The following EEFSEC variants were observed in gnomAD, a reference collection of about 807,000 sequenced individuals.
EEFSEC encodes the protein eukaryotic elongation factor, selenocysteine-tRNA specific.
A neutral mutation model predicts 42.1 loss-of-function variants in EEFSEC; 43 were observed. The observed-to-expected ratio is 1.02, with a 90% CI of 0.80 to 1.32. The LOEUF (loss-of-function observed/expected upper bound fraction) is 1.32, where lower values mean the gene tolerates loss of function less well. Ranked by LOEUF, EEFSEC falls within the 40% of genes most tolerant of loss-of-function variation. The pLI, the probability that EEFSEC is intolerant of heterozygous loss-of-function variation, is 0.00. For synonymous variants in EEFSEC, 354 were observed against 339.1 expected, an observed-to-expected ratio of 1.04 and a Z score of -0.48; for missense variants, 745 against 803.6, an observed-to-expected ratio of 0.93 and a Z score of 0.88.
intron 4 of EEFSEC, among the ~76,000 whole-genome samples, chr3:128,272,590 C>T (rs2066425907): frequency 6.6e-6 from 1 of 152,186 alleles, no homozygotes; most frequent in Admixed American, 6.5e-5. Flanking sequence ...GCTCTGTCTC[C>T]ACACGGTTCC....
rs191315885 is a variant in EEFSEC at position 128,354,521 on chromosome 3, A to G, written c.1444-3696A>G. Among the ~76,000 whole-genome samples the G allele has an allele frequency of 7.1e-3, 1,084 of 152,338 alleles. 11 individuals are homozygous for G. Among genetic ancestry groups the G allele is most frequent in the African/African-American group, 0.025 (1,042 of 41,570 alleles). On this transcript the variant is annotated intron_variant, in intron 5 of 6. Coordinates refer to ENST00000254730, the MANE Select transcript of EEFSEC (RefSeq NM_021937.5). ...AGCCTGTGTGCTGGCCCACTAGGTC[A>G]GATGAGAACATAAACAAGGAACTCT...
intron 1 of EEFSEC, among the ~76,000 whole-genome samples, chr3:128,186,274 G>A (rs768207219): frequency 6.6e-6 from 1 of 152,112 alleles, no homozygotes; most frequent in Non-Finnish European, 1.5e-5. Context: ...TAAAAATTGA[G>A]TTGGCTTTTT....
chr3:128,389,001 A>G (rs2067875479), intron 6 of EEFSEC, among the ~76,000 whole-genome samples: 1 of 152,150 alleles, frequency 6.6e-6, no homozygotes, highest in Admixed American at 6.5e-5. Context: ...CAGGAGCCAC[A>G]AGAGGTAGTC....
At chr3:128,154,371 C>G (rs1944331701) in intron 1 of EEFSEC, among the ~76,000 whole-genome samples, 1 of 152,172 alleles carries the variant, frequency 6.6e-6, no homozygotes, top group Admixed American at 6.5e-5. Context: ...TGCCCCATAT[C>G]TGTACACAAA....
intron 4 of EEFSEC, among the ~76,000 whole-genome samples, chr3:128,336,015 C>T (rs1336658501): frequency 6.6e-6 from 1 of 152,112 alleles, no homozygotes; most frequent in African/African-American, 2.4e-5. Flanking sequence ...TTCAAAGAGG[C>T]AGTTGGGTGT....
intron 6 of EEFSEC, among the ~76,000 whole-genome samples, chr3:128,358,895 A>T (rs2067491497): frequency 6.6e-6 from 1 of 151,966 alleles, no homozygotes; most frequent in Non-Finnish European, 1.5e-5. Context: ...GCTGCTGGAG[A>T]GCCCTTGGAT....
At chr3:128,312,540 C>T (rs1225658774) in intron 4 of EEFSEC, among the ~76,000 whole-genome samples, 1 of 152,248 alleles carries the variant, frequency 6.6e-6, no homozygotes, top group Non-Finnish European at 1.5e-5. Flanking sequence ...GAAGAGGCTC[C>T]GCCTTCACCC....
At chr3:128,271,873 A>T (rs1442013209) in intron 4 of EEFSEC, among the ~76,000 whole-genome samples, 3 of 152,084 alleles carry the variant, frequency 2.0e-5, no homozygotes, top group African/African-American at 7.2e-5. Flanking sequence ...CTCCAGGATA[A>T]AATCTAAAGT....
intron 4 of EEFSEC, among the ~76,000 whole-genome samples, chr3:128,277,826 G>A (rs2107959947): frequency 6.6e-6 from 1 of 152,328 alleles, no homozygotes; most frequent in South Asian, 2.1e-4. Context: ...GAACCAACCT[G>A]GGCTGAAGTC....
intron 6 of EEFSEC, among the ~76,000 whole-genome samples, chr3:128,387,204 C>CT (rs1281423891): frequency 6.6e-6 from 1 of 152,200 alleles, no homozygotes; most frequent in Non-Finnish European, 1.5e-5. Context: ...GAGCCATGGA[C>CT]TGGGGGGCTT....
At chr3:128,421,878 G>A in the EEFSEC span, among the ~76,000 whole-genome samples, 3 of 152,298 alleles carry the variant, frequency 2.0e-5, no homozygotes, top group African/African-American at 7.2e-5. Context: ...TGGCTGCCAT[G>A]TGTCTCTAGT....
intron 4 of EEFSEC, among the ~76,000 whole-genome samples, chr3:128,269,093 A>G (rs922060490): frequency 2.6e-5 from 4 of 152,218 alleles, no homozygotes; most frequent in African/African-American, 7.2e-5. Flanking sequence ...ACTGATGGCC[A>G]GCACTGCCCG....
intron 6 of EEFSEC, among the ~76,000 whole-genome samples, chr3:128,366,147 C>T (rs1400928980): frequency 2.0e-5 from 3 of 152,248 alleles, no homozygotes; most frequent in African/African-American, 2.4e-5. Context: ...GTTGGGGACA[C>T]ACCCCTTCAG....
At chr3:128,337,857 A>G (rs2067207735) in intron 4 of EEFSEC, among the ~76,000 whole-genome samples, 2 of 152,224 alleles carry the variant, frequency 1.3e-5, no homozygotes, top group African/African-American at 4.8e-5. Flanking sequence ...TGATTTATCT[A>G]CCTAGCAAAG....
At chr3:128,319,107 A>C (rs1396064043) in intron 4 of EEFSEC, among the ~76,000 whole-genome samples, 3 of 152,178 alleles carry the variant, frequency 2.0e-5, no homozygotes, top group Non-Finnish European at 2.9e-5. Context: ...CACCTGTCCC[A>C]CCTGGAACAT....
intron 5 of EEFSEC, among the ~76,000 whole-genome samples, chr3:128,348,271 C>CGTGTGCGTGTGTGTGTGT (rs1553758424): frequency 3.4e-5 from 5 of 147,702 alleles, no homozygotes; most frequent in Non-Finnish European, 6.0e-5. Context: ...TGTGTGTGTG[C>CGTGTGCGTGTGTGTGTGT]GTGTGCGTGT....
chr3:128,160,421 G>T (rs74916741), intron 1 of EEFSEC, among the ~76,000 whole-genome samples: 2 of 152,202 alleles, frequency 1.3e-5, no homozygotes, highest in African/African-American at 2.4e-5. Flanking sequence ...AAGCTAGAAG[G>T]GTTGGCAGGG....
chr3:128,241,376 A>T (rs2066069579), intron 1 of EEFSEC, among the ~76,000 whole-genome samples: 2 of 151,830 alleles, frequency 1.3e-5, no homozygotes, highest in South Asian at 2.1e-4. Context: ...TGCCTAGCTA[A>T]TTTTTGTATT....
intron 6 of EEFSEC, among the ~76,000 whole-genome samples, chr3:128,386,989 C>A (rs1052555342): frequency 1.3e-5 from 2 of 152,252 alleles, no homozygotes; most frequent in Non-Finnish European, 2.9e-5. Flanking sequence ...CAGCCTCCTC[C>A]CAGGCAGGGC....
Sources: gnomAD v4.1 joint callset for allele counts (sites outside exome capture counted in the v4.1 genomes callset) on GRCh38, gnomAD v4.1.1 for gene constraint, MANE v1.5 for transcripts, NCBI Gene and HGNC (gene_info 2026-07-23, HGNC 2026-07-21) for gene names.